SCRIB: variants seen among roughly 807,000 people sequenced by gnomAD.
SCRIB encodes protein scribble homolog.
SCRIB carries 72 observed loss-of-function variants against 170.0 expected under a neutral mutation model. The ratio of observed to expected loss-of-function variants is 0.42; its 90% CI spans 0.35 to 0.52. The LOEUF (loss-of-function observed/expected upper bound fraction) is 0.52. Among genes scored for constraint, SCRIB ranks in the 20% least tolerant of loss-of-function variants. The probability of loss-of-function intolerance (pLI) is 0.02; values close to 1 mark genes in which losing one functional copy is unlikely to be tolerated. For missense variants in SCRIB, 2,475 were observed against 2,338.5 expected, an observed-to-expected ratio of 1.06 and a Z score of -1.20; for synonymous variants, 1,298 against 1,044.3, an observed-to-expected ratio of 1.24 and a Z score of -4.68.
chr8:143,811,135 C>A lies in SCRIB; in HGVS notation c.1106+11G>T, dbSNP rs1815697709. The A allele has an allele frequency of 1.9e-6, 3 of 1,598,280 alleles. No individual in the cohort carries two copies. The highest frequency in any genetic ancestry group is 2.6e-6 in the Non-Finnish European group (3 of 1,173,014). ...CCACGGTTAGGCCCGCAGGGCAAGG[C>A]TGGCACTCACCGGTTCCCCGCCACG... On this transcript the variant is annotated intron_variant, in intron 10 of 36. Transcript: ENST00000356994.
At chr8:143,806,372 A>G in intron 18 of SCRIB, 35 bp downstream of exon 18, 1 of 1,536,184 alleles carries the variant, frequency 6.5e-7, no homozygotes, top group Non-Finnish European at 8.9e-7. Context: ...CAGAGGGCAC[A>G]GCTGCCACTC....
At chr8:143,797,493 A>T (rs1814991303) in intron 24 of SCRIB, among the ~76,000 whole-genome samples, 1 of 152,202 alleles carries the variant, frequency 6.6e-6, no homozygotes, top group African/African-American at 2.4e-5. Flanking sequence ...GCTGGATGAG[A>T]AACAGCCTAT....
In SCRIB at chr8:143,792,390, G is replaced by A. The variant is rs782196702; in HGVS notation, c.4344C>T (p.Ser1448=). 48 of 1,506,038 alleles carry A rather than the reference G, an allele frequency of 3.2e-5. No individual in the cohort carries two copies. The highest frequency in any genetic ancestry group is 2.7e-5 in the Non-Finnish European group (30 of 1,131,970). The allele number at this position is 1,506,038 out of a possible 1,614,324, so 93.3% of individuals were successfully genotyped here. A position where few individuals can be genotyped will look rare whatever the true frequency, so the allele number is the denominator to read the frequency against. The change falls in exon 32 of 37, where the codon TCC becomes TCT. Residue 1448 remains serine (S), a synonymous_variant. Coordinates refer to ENST00000356994, the MANE Select transcript of SCRIB (RefSeq NM_182706.5). ...GGGCGCCACCTCCCAGGGGTGGGGGGGACGCCGGGCTCTGCCTGGGGAAGG... is the reference window on the plus strand; with the variant it reads ...GGGCGCCACCTCCCAGGGGTGGGGGAGACGCCGGGCTCTGCCTGGGGAAGG... The part of the protein sequence containing the change: ...PSPTSRQSPA[S]PPPLGGGAPV...
Position 143,815,485 on chromosome 8 carries a change from CGGG to C in SCRIB, c.-116_-114del. 1 of 957,318 alleles carries C rather than the reference CGGG, an allele frequency of 1.0e-6. No individual in the cohort carries two copies. The highest frequency in any genetic ancestry group is 1.2e-6 in the Non-Finnish European group (1 of 806,460). The allele number at this position is 957,318 out of a possible 1,614,324, so 59.3% of individuals were successfully genotyped here. ...ATGGGGAGGGGGCGCAGGCAGGGGG[CGGG>C]CCGCCCGAGACTGGACGGGGACGCG... On this transcript the variant is annotated 5_prime_UTR_variant, in exon 1 of 37. Transcript: ENST00000356994.
At chr8:143,802,430 C>A (rs4875056) in intron 24 of SCRIB, among the ~76,000 whole-genome samples, 3 of 152,256 alleles carry the variant, frequency 2.0e-5, no homozygotes, top group African/African-American at 4.8e-5. Context: ...AGGAAGCCAT[C>A]TGTGTGCCGG....
In SCRIB at chr8:143,792,635, G is replaced by A. The variant is rs1554633168; in HGVS notation, c.4178C>T (p.Ala1393Val). 1.3e-6 allele frequency: 2 copies of A among 1,593,594 alleles called. No individual in the cohort carries two copies. Among genetic ancestry groups the A allele is most frequent in the East Asian group, 2.2e-5 (1 of 44,606 alleles). The change falls in exon 31 of 37, where the codon GCC becomes GTC. Residue 1393 changes from alanine (A) to valine (V), a missense_variant and splice_region_variant. By Grantham distance (64) the Ala-to-Val change is moderately conservative. Transcript: ENST00000356994. ...CGCTCTCTTCTGCTGTAGTTTTCTGGCTGCCGGAGGGCAGGGTGGGTCAGG... is the reference window on the plus strand; with the variant it reads ...CGCTCTCTTCTGCTGTAGTTTTCTGACTGCCGGAGGGCAGGGTGGGTCAGG... ...DDLRKMQEEE[A>V]RKLQQKRAQM...
Position 143,804,639 on chromosome 8 carries a change from CG to C in SCRIB, c.2937del (p.Val981CysfsTer81). On this transcript the variant is annotated frameshift_variant, in exon 21 of 37. Transcript: ENST00000356994. LOFTEE classifies it high-confidence loss of function. Reference sequence around the variant, plus strand: ...GCCAGGCTCGGCAACCCAGGCACCCCGGGGGTGGCAGTGGTTATGCTGGTGG... The same window carrying C: ...GCCAGGCTCGGCAACCCAGGCACCCCGGGGTGGCAGTGGTTATGCTGGTGG... Reference protein sequence around the residue: ...VATTSITTATPGVPGLPSLAP... With the variant: ...VATTSITTATXGVPGLPSLAP... 3 of 1,537,360 alleles carry C rather than the reference CG, an allele frequency of 2.0e-6. No homozygotes were observed.
At chr8:143,800,502 C>T (rs1339988909) in intron 24 of SCRIB, among the ~76,000 whole-genome samples, 2 of 152,158 alleles carry the variant, frequency 1.3e-5, no homozygotes, top group Non-Finnish European at 2.9e-5. Context: ...AGCAGATTTA[C>T]AAATCCAGGT....
At chr8:143,799,288 C>T (rs560023482) in intron 24 of SCRIB, among the ~76,000 whole-genome samples, 6 of 152,282 alleles carry the variant, frequency 3.9e-5, no homozygotes, top group South Asian at 2.1e-4. Context: ...GAGCGTAAAT[C>T]GAGGAAATGC....
Position 143,812,802 on chromosome 8 carries a change from C to A in SCRIB, c.787+15G>T. The A allele has an allele frequency of 1.3e-6, 2 of 1,596,004 alleles. No individual in the cohort carries two copies. The highest frequency in any genetic ancestry group is 1.7e-6 in the Non-Finnish European group (2 of 1,177,128). On this transcript the variant is annotated intron_variant, in intron 8 of 36. Transcript: ENST00000356994. ...GCTCCGTGTGCCCCACCCAGGCACC[C>A]CCAGGCACACTAACCGATGCCGTCG...
At position 143,804,985 on chromosome 8, in the gene SCRIB, G is replaced by T; in HGVS notation, c.2700C>A (p.Gly900=). ...AGIFVSRIAE[G]GAAHRAGTLQ... ...GTGTGCCCGCGCGGTGAGCAGCACC[G>T]CCCTCGGCAATGCGGGAGACGAAGA... Residue 900 remains glycine, a synonymous_variant, in exon 20 of 37, where the codon GGC becomes GGA. Transcript: ENST00000356994. 2 of 1,584,756 alleles carry T rather than the reference G, an allele frequency of 1.3e-6. No individual in the cohort carries two copies. Among genetic ancestry groups the T allele is most frequent in the East Asian group, 2.3e-5 (1 of 43,934 alleles).
At position 143,803,583 on chromosome 8, in the gene SCRIB, CGTG is replaced by C. The variant is rs1815267861; in HGVS notation, c.3415-15_3415-13del. The C allele has an allele frequency of 2.3e-6, 3 of 1,296,422 alleles. No homozygotes were observed. Among genetic ancestry groups the C allele is most frequent in the South Asian group, 1.2e-5 (1 of 84,954 alleles). The allele number at this position is 1,296,422 out of a possible 1,614,324, so 80.3% of individuals were successfully genotyped here. A position where few individuals can be genotyped will look rare whatever the true frequency, so the allele number is the denominator to read the frequency against. ...CCCGTGGGGCTCACCTGTGGGGAGACGTGGTATGGGAGAGACCTGTTGGGGGGT... is the reference window on the plus strand; with the variant it reads ...CCCGTGGGGCTCACCTGTGGGGAGACGTATGGGAGAGACCTGTTGGGGGGT... On this transcript the variant is annotated splice_polypyrimidine_tract_variant and intron_variant, in intron 23 of 36. Coordinates refer to ENST00000356994, the MANE Select transcript of SCRIB (RefSeq NM_182706.5).
At chr8:143,794,916 C>T (rs969920216) in intron 27 of SCRIB, 122 bp downstream of exon 27, 6 of 917,482 alleles carry the variant, frequency 6.5e-6, no homozygotes, top group South Asian at 3.1e-5. Context: ...CAGACGTGGC[C>T]TCCTCCCACC....
At chr8:143,791,968 C>G (rs1554632834) in intron 33 of SCRIB, 23 bp downstream of exon 33, 11 of 1,488,202 alleles carry the variant, frequency 7.4e-6, no homozygotes, top group Non-Finnish European at 9.8e-6. Context: ...GCTGACCCCC[C>G]CGACCTGCCC....
chr8:143,796,164 A>C (rs1814933888), intron 24 of SCRIB, among the ~76,000 whole-genome samples: 1 of 152,158 alleles, frequency 6.6e-6, no homozygotes, highest in Non-Finnish European at 1.5e-5. Flanking sequence ...CTGGTTGGGC[A>C]CAAGATGTAC....
chr8:143,815,110 G>C (rs1816010274), intron 1 of SCRIB, 104 bp downstream of exon 1: 1 of 1,326,182 alleles, frequency 7.5e-7, no homozygotes, highest in Middle Eastern at 2.7e-4. Flanking sequence ...CAAACCAGCA[G>C]GGCCGGCTGG....
chr8:143,803,309 G>A (rs782712201), intron 24 of SCRIB, 74 bp downstream of exon 24: 68 of 1,389,180 alleles, frequency 4.9e-5, no homozygotes, highest in East Asian at 1.0e-4. Flanking sequence ...CGCCTGCCCC[G>A]AGAGGTGTCA....
Position 143,815,186 on chromosome 8 carries a change from TGGGCGGCAGGTGC to T in SCRIB, c.159+15_159+27del, listed in dbSNP as rs748476037. 3 of 1,541,532 alleles carry T rather than the reference TGGGCGGCAGGTGC, an allele frequency of 1.9e-6. No homozygotes were observed. Among genetic ancestry groups the T allele is most frequent in the South Asian group, 2.4e-5 (2 of 84,920 alleles). ...GAATCACGGGCTGGGGGCGCGCCTT[TGGGCGGCAGGTGC>T]GGGCGGCCGCTCACCTTGGGCAGCT... On this transcript the variant is annotated intron_variant, in intron 1 of 36. Coordinates refer to ENST00000356994, the MANE Select transcript of SCRIB (RefSeq NM_182706.5).
chr8:143,796,118 G>A (rs1001582273), intron 24 of SCRIB, among the ~76,000 whole-genome samples: 1 of 152,214 alleles, frequency 6.6e-6, no homozygotes, highest in Admixed American at 6.5e-5. Flanking sequence ...AGGGCAGAGG[G>A]GGGCGAGGAG....
Sources: allele counts gnomAD v4.1 joint callset (sites outside exome capture counted in the v4.1 genomes callset), GRCh38; gene constraint gnomAD v4.1.1; transcripts MANE v1.5; gene names NCBI Gene and HGNC (gene_info 2026-07-23, HGNC 2026-07-21).